KMT2C: variants seen among roughly 807,000 people sequenced by gnomAD.
KMT2C encodes the protein histone-lysine N-methyltransferase 2C.
KMT2C carries 88 observed loss-of-function variants against 507.9 expected under a neutral mutation model. That is an observed-to-expected ratio of 0.17 (90% CI 0.15 to 0.21). KMT2C has a LOEUF of 0.21. Ranked by LOEUF, KMT2C falls within the 10% of genes least tolerant of loss-of-function variation. The pLI is 1.00. For missense variants in KMT2C, 4,954 were observed against 5,957.8 expected (o/e 0.83, Z 5.55); for synonymous variants, 2,049 against 2,080.8 (o/e 0.98, Z 0.42).
chr7:152,212,761 C>A (rs1377977855), intron 23 of KMT2C, among the ~76,000 whole-genome samples: 6 of 152,196 alleles, frequency 3.9e-5, no homozygotes, highest in African/African-American at 1.4e-4. Context: ...AGACACACAG[C>A]CGGGCATGGT....
intron 6 of KMT2C, among the ~76,000 whole-genome samples, chr7:152,286,908 G>T (rs10270094): frequency 0.018 from 2,729 of 152,226 alleles, 86 homozygotes; most frequent in African/African-American, 0.063. Flanking sequence ...GCAGGGAAGC[G>T]GCAGGCTACC....
At chr7:152,348,649 A>G (rs1256731581) in intron 2 of KMT2C, among the ~76,000 whole-genome samples, 1 of 150,944 alleles carries the variant, frequency 6.6e-6, no homozygotes, top group African/African-American at 2.4e-5. Context: ...AAAAAAGCAT[A>G]GGGAATACAG....
At chr7:152,192,747 G>A (rs1205886098) in intron 31 of KMT2C, among the ~76,000 whole-genome samples, 1 of 151,434 alleles carries the variant, frequency 6.6e-6, no homozygotes, top group South Asian at 2.1e-4. Flanking sequence ...GTTAGTAAAG[G>A]TTACAAATTA....
rs370996577 is a variant in KMT2C at position 152,160,456 on chromosome 7, C to T, written c.11461-1384G>A. On this transcript the variant is annotated intron_variant, in intron 43 of 58. Transcript: ENST00000262189. ...TGCCTAGAGCAGTACTTCTCCCCTT[C>T]AGATGCTCAGGAATCACCTGGGGAT... Among the ~76,000 whole-genome samples, 4 of 152,232 alleles carry T rather than the reference C, an allele frequency of 2.6e-5. No individual in the cohort carries two copies. In the East Asian group the frequency reaches 7.7e-4, roughly 29 times the overall value.
chr7:152,426,213 C>T (rs984028399), intron 1 of KMT2C, among the ~76,000 whole-genome samples: 10 of 149,496 alleles, frequency 6.7e-5, no homozygotes, highest in Admixed American at 2.7e-4. Flanking sequence ...ATAACAACTG[C>T]ATTATTTTAT....
chr7:152,179,921 C>T lies in KMT2C; in HGVS notation c.7355G>A (p.Gly2452Glu), dbSNP rs1450293088. 1.2e-6 allele frequency: 2 copies of T among 1,613,968 alleles called. No homozygotes were observed. Among genetic ancestry groups the T allele is most frequent in the Admixed American group, 3.3e-5 (2 of 60,012 alleles). The change falls in exon 37 of 59, where the codon GGA (glycine) becomes GAA (glutamate). Residue 2452 changes from glycine to glutamate, a missense_variant. Physicochemically the swap from Gly to Glu is moderately conservative, Grantham distance 98. This residue lies in a region of KMT2C where 1,689 missense variants were observed against 1,654.3 expected (regional missense o/e 1.02). Coordinates refer to ENST00000262189, the MANE Select transcript of KMT2C (RefSeq NM_170606.3). ...NIRSPVAPPL[G>E]PRYAVFPKDQ... Reference sequence around the variant, plus strand: ...TTTTGGGAAAACAGCATATCTAGGTCCTAAAGGAGGGGCAACAGGAGACCT... The same window carrying T: ...TTTTGGGAAAACAGCATATCTAGGTTCTAAAGGAGGGGCAACAGGAGACCT...
intron 1 of KMT2C, among the ~76,000 whole-genome samples, chr7:152,396,886 T>C (rs1156774185): frequency 6.6e-6 from 1 of 152,216 alleles, no homozygotes; most frequent in Non-Finnish European, 1.5e-5. Flanking sequence ...GAGAGAACTT[T>C]ACATCTAGGA....
At chr7:152,427,068 T>C (rs934134152) in intron 1 of KMT2C, among the ~76,000 whole-genome samples, 1 of 152,076 alleles carries the variant, frequency 6.6e-6, no homozygotes, top group African/African-American at 2.4e-5. Context: ...CAGGCTGGAG[T>C]GCAATGGCAC....
chr7:152,351,068 G>A (rs528502861), intron 2 of KMT2C, among the ~76,000 whole-genome samples: 12 of 152,088 alleles, frequency 7.9e-5, no homozygotes, highest in Admixed American at 2.0e-4. Flanking sequence ...GGTCTTCAGC[G>A]ACAATAACAC....
chr7:152,140,623 T>A (rs528060732), intron 55 of KMT2C, among the ~76,000 whole-genome samples: 1 of 152,324 alleles, frequency 6.6e-6, no homozygotes, highest in South Asian at 2.1e-4. Flanking sequence ...TGCAACTGAA[T>A]CAGAAGTACT....
At position 152,284,829 on chromosome 7, in the gene KMT2C, A is replaced by G. The variant is rs1439834984; in HGVS notation, c.850-10962T>C. 2.6e-5 allele frequency among the ~76,000 whole-genome samples: 4 copies of G among 152,270 alleles called. No homozygotes were observed. The East Asian group carries it at 7.7e-4, about 29-fold the overall frequency. On this transcript the variant is annotated intron_variant, in intron 6 of 58. Coordinates refer to ENST00000262189, the MANE Select transcript of KMT2C (RefSeq NM_170606.3). ...AAAAAGAGGCTCAATCTAATTAATC[A>G]TCAGGGAATGCAAAATCAAACCCAC...
chr7:152,290,240 G>GTGTATA (rs1397775417), intron 6 of KMT2C, among the ~76,000 whole-genome samples: 1 of 100,852 alleles, frequency 9.9e-6, no homozygotes, highest in African/African-American at 4.7e-5. Flanking sequence ...GTGTGTGTGT[G>GTGTATA]TGTGTGTGTG....
At chr7:152,302,835 G>A (rs1181483240) in intron 6 of KMT2C, among the ~76,000 whole-genome samples, 1 of 151,656 alleles carries the variant, frequency 6.6e-6, no homozygotes. Context: ...GTAGAGACAG[G>A]GTTTTGCCAT....
intron 26 of KMT2C, among the ~76,000 whole-genome samples, chr7:152,201,309 C>G (rs568970581): frequency 1.2e-4 from 18 of 145,278 alleles, no homozygotes; most frequent in African/African-American, 4.3e-4. Context: ...CACACACACA[C>G]ACACACACAC....
intron 1 of KMT2C, among the ~76,000 whole-genome samples, chr7:152,383,737 G>A (rs1326425780): frequency 2.6e-5 from 4 of 152,140 alleles, no homozygotes; most frequent in Non-Finnish European, 4.4e-5. Context: ...ACTTCTCCCT[G>A]CCGTTTCTGC....
chr7:152,188,267 G>A (rs1428050683), intron 31 of KMT2C, among the ~76,000 whole-genome samples: 1 of 152,020 alleles, frequency 6.6e-6, no homozygotes, highest in Non-Finnish European at 1.5e-5. Context: ...TCATTATTGT[G>A]TACTAGAAAT....
chr7:152,345,452 G>A (rs78196990), intron 2 of KMT2C, among the ~76,000 whole-genome samples: 8,884 of 152,166 alleles, frequency 0.058, 895 homozygotes, highest in African/African-American at 0.2. Flanking sequence ...TAAAAATAAA[G>A]AAGAATCACT....
chr7:152,394,251 C>T (rs2097523134), intron 1 of KMT2C, among the ~76,000 whole-genome samples: 1 of 152,164 alleles, frequency 6.6e-6, no homozygotes, highest in Non-Finnish European at 1.5e-5. Flanking sequence ...AAAGCCAGTC[C>T]TCCACTTAAA....
rs181660031 is a variant in KMT2C at position 152,394,528 on chromosome 7, A to G, written c.162-35853T>C. Among the ~76,000 whole-genome samples the G allele has an allele frequency of 2.2e-3, 335 of 152,326 alleles. 1 individual carries two copies. The highest frequency in any genetic ancestry group is 0.01 in the Middle Eastern group (3 of 294). On this transcript the variant is annotated intron_variant, in intron 1 of 58. Coordinates refer to ENST00000262189, the MANE Select transcript of KMT2C (RefSeq NM_170606.3). ...GCATTCTTATTTCTTTTAAGATTCT[A>G]TTCAAACATCAGCTCACTGAGGCCT...
Sources: allele counts gnomAD v4.1 joint callset (sites outside exome capture counted in the v4.1 genomes callset), GRCh38; gene constraint gnomAD v4.1.1; regional missense constraint gnomAD v4.1.1; transcripts MANE v1.5; gene names NCBI Gene and HGNC (gene_info 2026-07-23, HGNC 2026-07-21).